Variants in ABTB2 observed in about 807,000 individuals in gnomAD.
The protein encoded by ABTB2 is ankyrin repeat and BTB/POZ domain-containing protein 2.
ABTB2 carries 56 observed loss-of-function variants against 104.1 expected under a neutral mutation model. The observed-to-expected ratio is 0.54, with a 90% CI of 0.43 to 0.67. The LOEUF (loss-of-function observed/expected upper bound fraction) is 0.67. Ranked by LOEUF, ABTB2 falls within the 30% of genes least tolerant of loss-of-function variation. The pLI is 0.00. For synonymous variants in ABTB2, 606 were observed against 608.2 expected (o/e 1.00, Z 0.05); for missense variants, 1,279 against 1,407.7 (o/e 0.91, Z 1.46).
intron 3 of ABTB2, among the ~76,000 whole-genome samples, chr11:34,190,092 T>C (rs1853152950): frequency 6.6e-6 from 1 of 152,044 alleles, no homozygotes; most frequent in Non-Finnish European, 1.5e-5. Flanking sequence ...ATACAAAAAT[T>C]AGCCAGGCAT....
chr11:34,320,454 A>G (rs1209989003), intron 1 of ABTB2, among the ~76,000 whole-genome samples: 1 of 152,204 alleles, frequency 6.6e-6, no homozygotes, highest in Non-Finnish European at 1.5e-5. Context: ...TCTGAGCTGA[A>G]AAGGCCATTT....
At chr11:34,165,440 C>A in intron 7 of ABTB2, 84 bp from the exon 8 acceptor site, 1 of 1,145,056 alleles carries the variant, frequency 8.7e-7, no homozygotes, top group Non-Finnish European at 1.2e-6. Flanking sequence ...GGGGACAGGG[C>A]CTTTGCTTCT....
chr11:34,352,980 AGAACCCAGGAGTTCAAGGTTGCAGT>A (rs1468987975), intron 1 of ABTB2, among the ~76,000 whole-genome samples: 1 of 152,174 alleles, frequency 6.6e-6, no homozygotes, highest in Non-Finnish European at 1.5e-5. Context: ...AGGAACCCTT[AGAACCCAGGAGTTCAAGGTTGCAGT>A]GAACTACGAT....
At chr11:34,347,388 A>G (rs1855345663) in intron 1 of ABTB2, among the ~76,000 whole-genome samples, 2 of 152,194 alleles carry the variant, frequency 1.3e-5, no homozygotes, top group South Asian at 4.1e-4. Flanking sequence ...GTGAGCTGAG[A>G]TCGCAGCACT....
chr11:34,290,912 T>C (rs1315351900), intron 1 of ABTB2, among the ~76,000 whole-genome samples: 1 of 152,226 alleles, frequency 6.6e-6, no homozygotes, highest in Non-Finnish European at 1.5e-5. Context: ...TTATAAATTT[T>C]TTTCCCAATA....
intron 1 of ABTB2, among the ~76,000 whole-genome samples, chr11:34,307,861 G>A (rs772993383): frequency 2.0e-5 from 3 of 152,198 alleles, no homozygotes; most frequent in Admixed American, 6.5e-5. Context: ...ACCATGCCCA[G>A]CTAATTTTTG....
rs192788165 is a variant in ABTB2 at position 34,317,796 on chromosome 11, A to G, written c.883+38905T>C. ...AAAAAAAAATTAATAACGGCTTTTT[A>G]AAAAAATTTCAGATTTGGGGATACA... On this transcript the variant is annotated intron_variant, in intron 1 of 16. Coordinates refer to ENST00000435224, the MANE Select transcript of ABTB2 (RefSeq NM_145804.3). Among the ~76,000 whole-genome samples the G allele has an allele frequency of 7.3e-4, 111 of 151,382 alleles. No individual in the cohort carries two copies. The Middle Eastern group carries it at 0.01, about 14-fold the overall frequency.
chr11:34,200,723 G>A (rs540526425), intron 2 of ABTB2, among the ~76,000 whole-genome samples: 5 of 152,132 alleles, frequency 3.3e-5, no homozygotes, highest in Non-Finnish European at 7.3e-5. Flanking sequence ...CTACAGACAA[G>A]GAAGCAAGCT....
chr11:34,286,378 T>C (rs111255566), intron 1 of ABTB2, among the ~76,000 whole-genome samples: 31,021 of 151,954 alleles, frequency 0.2, 4,519 homozygotes, highest in African/African-American at 0.4. Flanking sequence ...CTGCGACCTC[T>C]GCCTCCCCAG....
Position 34,152,270 on chromosome 11 carries a change from G to A in ABTB2, c.*117C>T. The A allele has an allele frequency of 8.8e-7, 1 of 1,140,628 alleles. No individual in the cohort carries two copies. Among genetic ancestry groups the A allele is most frequent in the East Asian group, 2.6e-5 (1 of 38,660 alleles). The allele number at this position is 1,140,628 out of a possible 1,614,324, so 70.7% of individuals were successfully genotyped here. On this transcript the variant is annotated 3_prime_UTR_variant, in exon 17 of 17. Transcript: ENST00000435224. ...CCCGGTGACAGGGGGGACATCTGGG[G>A]GAGGAGGAGGAAACAGCCCCGTGAA... is the stretch of plus-strand genomic sequence containing the variant.
intron 6 of ABTB2, 127 bp from the exon 7 acceptor site, chr11:34,167,487 A>T: frequency 2.5e-6 from 2 of 808,250 alleles, no homozygotes; most frequent in Non-Finnish European, 4.0e-6. Context: ...CTGGAGCACA[A>T]AGTGGACAAG....
intron 1 of ABTB2, among the ~76,000 whole-genome samples, chr11:34,304,962 C>G (rs1429215273): frequency 6.6e-6 from 1 of 152,156 alleles, no homozygotes; most frequent in African/African-American, 2.4e-5. Context: ...ATTCATGGAC[C>G]ACTCAAAGTG....
chr11:34,210,307 T>C (rs1203013778), intron 1 of ABTB2, among the ~76,000 whole-genome samples: 1 of 152,188 alleles, frequency 6.6e-6, no homozygotes, highest in East Asian at 1.9e-4. Context: ...GGTGCACCCC[T>C]GAAATCCTTT....
In ABTB2 at chr11:34,356,668, C is replaced by T. The variant is rs768761941; in HGVS notation, c.883+33G>A. 6.5e-7 allele frequency: 1 copy of T among 1,527,268 alleles called. No homozygotes were observed. Among genetic ancestry groups the T allele is most frequent in the South Asian group, 1.3e-5 (1 of 79,928 alleles). 94.6% of individuals were successfully genotyped at this position (1,527,268 alleles called of 1,614,324 possible). On this transcript the variant is annotated intron_variant, in intron 1 of 16. Coordinates refer to ENST00000435224, the MANE Select transcript of ABTB2 (RefSeq NM_145804.3). This position sits in a 1 kb window ranked among gnomAD's most constrained non-coding sequence, Gnocchi z 4.6. ...AGCCCAGGGCGGGATTTCTTGCCTA[C>T]CCAGTCTGCCAGTCCGAGGCCCGCG...
chr11:34,197,199 G>C, intron 3 of ABTB2, 126 bp downstream of exon 3: 1 of 1,048,478 alleles, frequency 9.5e-7, no homozygotes. Flanking sequence ...CCTCCTCACA[G>C]GCATAGCACA....
chr11:34,269,535 T>C (rs1304100886), intron 1 of ABTB2, among the ~76,000 whole-genome samples: 1 of 152,220 alleles, frequency 6.6e-6, no homozygotes, highest in Middle Eastern at 3.2e-3. Flanking sequence ...GTGGACCATG[T>C]GGTCTCTCTC....
rs528657444 is a variant in ABTB2 at position 34,322,121 on chromosome 11, G to A, written c.883+34580C>T. ...TTCTAACGATCTAAGCTACATATCT[G>A]GCCAGAAAGGCACGCAAAACCCATC... is the stretch of plus-strand genomic sequence containing the variant. On this transcript the variant is annotated intron_variant, in intron 1 of 16. Transcript: ENST00000435224. 1.6e-4 allele frequency among the ~76,000 whole-genome samples: 25 copies of A among 152,228 alleles called. 1 individual carries two copies. Among genetic ancestry groups the A allele is most frequent in the African/African-American group, 6.0e-4 (25 of 41,536 alleles).
chr11:34,293,489 A>G (rs1271747825), intron 1 of ABTB2, among the ~76,000 whole-genome samples: 1 of 152,124 alleles, frequency 6.6e-6, no homozygotes, highest in Non-Finnish European at 1.5e-5. Context: ...CCCTCAGGAG[A>G]AGGAATAATT....
intron 4 of ABTB2, among the ~76,000 whole-genome samples, chr11:34,172,595 G>A (rs779519031): frequency 6.6e-6 from 1 of 151,916 alleles, no homozygotes; most frequent in Non-Finnish European, 1.5e-5. Flanking sequence ...GCACAGGCTT[G>A]GAGGCCGTAT....
Sources: gnomAD v4.1 joint callset for allele counts (sites outside exome capture counted in the v4.1 genomes callset) on GRCh38, gnomAD v4.1.1 for gene constraint, Gnocchi (gnomAD v3.1) non-coding constraint, MANE v1.5 for transcripts, NCBI Gene and HGNC (gene_info 2026-07-23, HGNC 2026-07-21) for gene names.